KIAA1671: variants seen among roughly 807,000 people sequenced by gnomAD.
KIAA1671 encodes the protein KIAA1671, also known as uncharacterized protein KIAA1671.
A neutral mutation model predicts 131.2 loss-of-function variants in KIAA1671; 52 were observed. That is an observed-to-expected ratio of 0.40 (90% CI 0.32 to 0.50). The LOEUF (loss-of-function observed/expected upper bound fraction) is 0.50. KIAA1671 is among the 20% of genes least tolerant of loss of function. The pLI is 0.73. For missense variants in KIAA1671, 2,360 were observed against 2,364.2 expected (o/e 1.00, Z 0.04); for synonymous variants, 1,003 against 961.6 (o/e 1.04, Z -0.80).
chr22:24,987,450 T>C (rs1306366846), intron 1 of KIAA1671, among the ~76,000 whole-genome samples: 4 of 151,988 alleles, frequency 2.6e-5, no homozygotes. Context: ...GGATTACAGG[T>C]GTGAGCCACT....
At position 25,029,528 on chromosome 22, in the gene KIAA1671, A is replaced by G. The variant is rs78102577; in HGVS notation, c.1529A>G (p.Asp510Gly). 44 of 1,539,362 alleles carry G rather than the reference A, an allele frequency of 2.9e-5. No homozygotes were observed. The African/African-American group carries it at 5.8e-4, about 20-fold the overall frequency. The change falls in exon 3 of 13, where the codon GAT (aspartate) becomes GGT (glycine). Residue 510 changes from aspartate (D) to glycine (G), a missense_variant. Around this residue, in one of 3 missense-constraint regions of KIAA1671, gnomAD observed 1,185 missense variants for 1,126.2 expected, o/e 1.05. Coordinates refer to ENST00000358431, the MANE Select transcript of KIAA1671 (RefSeq NM_001145206.2). ...RTFQARPLSA[D>G]LTKLFSSSAS... The stretch of plus-strand genomic sequence containing the variant: ...TTCCAGGCTCGGCCGCTGTCGGCGG[A>G]TTTGACCAAATTGTAAGTAGGCACA...
chr22:25,067,665 T>C (rs1429914535), intron 6 of KIAA1671, among the ~76,000 whole-genome samples: 2 of 152,130 alleles, frequency 1.3e-5, no homozygotes, highest in East Asian at 3.9e-4. Flanking sequence ...CCATCCCGCC[T>C]GTCTCTGGCA....
At chr22:24,962,557 C>G (rs150994532) in intron 1 of KIAA1671, among the ~76,000 whole-genome samples, 1 of 152,176 alleles carries the variant, frequency 6.6e-6, no homozygotes, top group Non-Finnish European at 1.5e-5. Flanking sequence ...CCACTCTGGG[C>G]CTCAGTTTTC....
At chr22:25,013,008 A>C (rs954040202) in intron 1 of KIAA1671, 5 of 152,250 alleles carry the variant, frequency 3.3e-5, no homozygotes, top group African/African-American at 1.2e-4. Context: ...GGTTCTAGGA[A>C]GGGGAACTGA....
At chr22:25,021,874 C>T (rs895125719) in intron 1 of KIAA1671, among the ~76,000 whole-genome samples, 1 of 152,068 alleles carries the variant, frequency 6.6e-6, no homozygotes, top group African/African-American at 2.4e-5. Flanking sequence ...GCAAGCTCCA[C>T]CTCCCGGGTT....
At chr22:25,087,736 A>G (rs936022497) in intron 6 of KIAA1671, among the ~76,000 whole-genome samples, 1 of 152,226 alleles carries the variant, frequency 6.6e-6, no homozygotes, top group South Asian at 2.1e-4. Context: ...GCTTGAGTCA[A>G]CGTGGTCCAT....
chr22:25,185,772 C>T (rs950298830), intron 11 of KIAA1671: 3 of 152,258 alleles, frequency 2.0e-5, no homozygotes, highest in Non-Finnish European at 2.9e-5. Flanking sequence ...ACTTGACCTC[C>T]TGAACCTCAG....
intron 1 of KIAA1671, among the ~76,000 whole-genome samples, chr22:24,968,433 C>T (rs938274434): frequency 5.3e-5 from 8 of 152,132 alleles, no homozygotes; most frequent in African/African-American, 1.2e-4. Flanking sequence ...TAGTAGAAGA[C>T]GCCACCTGGG....
chr22:25,024,355 G>C (rs1395446345), intron 1 of KIAA1671: 1 of 152,288 alleles, frequency 6.6e-6, no homozygotes, highest in Non-Finnish European at 1.5e-5. Context: ...GACAGTGTGA[G>C]GTTAATGTGG....
At chr22:25,182,051 C>T (rs868802014) in intron 10 of KIAA1671, among the ~76,000 whole-genome samples, 74 of 152,148 alleles carry the variant, frequency 4.9e-4, no homozygotes, top group African/African-American at 1.7e-3. Flanking sequence ...TGGTGGCGGG[C>T]GCCTGTAGTC....
chr22:25,039,671 C>T lies in KIAA1671; in HGVS notation c.2541C>T (p.Thr847=). The change falls in exon 5 of 13, where the codon ACC becomes ACT. Residue 847 remains threonine (T), a synonymous_variant. Transcript: ENST00000358431. ...AAGAGCACTGTGCTCCCGGGGCCACCTCCGTCAGGGCTATCAAGGCTGCCA... is the reference window on the plus strand; with the variant it reads ...AAGAGCACTGTGCTCCCGGGGCCACTTCCGTCAGGGCTATCAAGGCTGCCA... The part of the protein sequence containing the change: ...VSEEHCAPGA[T]SVRAIKAAIW... 6.5e-7 allele frequency: 1 copy of T among 1,529,872 alleles called. No individual in the cohort carries two copies. Among genetic ancestry groups the T allele is most frequent in the Non-Finnish European group, 8.8e-7 (1 of 1,132,960 alleles). 94.8% of individuals were successfully genotyped at this position (1,529,872 alleles called of 1,614,324 possible).
chr22:25,177,060 G>A (rs180763205), intron 8 of KIAA1671: 275 of 378,406 alleles, frequency 7.3e-4, no homozygotes, highest in African/African-American at 4.9e-3. Context: ...GGAGGGAAAA[G>A]GCATTTGTAT....
chr22:25,053,895 G>A (rs1229801575), intron 6 of KIAA1671: 1 of 152,082 alleles, frequency 6.6e-6, no homozygotes, highest in Non-Finnish European at 1.5e-5. Context: ...CAATTAAGAA[G>A]GTAGGTAAAT....
At chr22:24,964,590 T>G (rs1922195852) in intron 1 of KIAA1671, among the ~76,000 whole-genome samples, 2 of 152,088 alleles carry the variant, frequency 1.3e-5, no homozygotes, top group African/African-American at 2.4e-5. Flanking sequence ...TCCAGCTAAT[T>G]AAAAAATTTT....
chr22:25,171,019 C>CCTTTTTAAAAGAAGAATGGGTTCCTTT, intron 7 of KIAA1671, 81 bp downstream of exon 7: 1 of 1,081,654 alleles, frequency 9.2e-7, no homozygotes, highest in Non-Finnish European at 1.4e-6. Context: ...CTCCTGATTT[C>CCTTTTTAAAAGAAGAATGGGTTCCTTT]TATATTGCTA....
At position 25,029,118 on chromosome 22, in the gene KIAA1671, C is replaced by T; in HGVS notation, c.1119C>T (p.Gly373=). The change falls in exon 3 of 13, where the codon GGC becomes GGT. Residue 373 remains glycine (G), a synonymous_variant. Transcript: ENST00000358431. The stretch of plus-strand genomic sequence containing the variant: ...GCAGCCCCAGAGCCCTGGTGGGGGG[C>T]TCATCTGGGGTCACCCCCAGCAATG... ...EMGSPRALVG[G]SSGVTPSNDQ... The T allele has an allele frequency of 6.1e-6, 9 of 1,467,854 alleles. No individual in the cohort carries two copies. Among genetic ancestry groups the T allele is most frequent in the Non-Finnish European group, 8.1e-6 (9 of 1,108,716 alleles). 90.9% of individuals were successfully genotyped at this position (1,467,854 alleles called of 1,614,324 possible). A position where few individuals can be genotyped will look rare whatever the true frequency, so the allele number is the denominator to read the frequency against.
At chr22:24,955,073 G>A (rs990722102) in intron 1 of KIAA1671, among the ~76,000 whole-genome samples, 1 of 152,220 alleles carries the variant, frequency 6.6e-6, no homozygotes, top group African/African-American at 2.4e-5. Flanking sequence ...GAGCCACTGC[G>A]CCTGGCCGGG....
At chr22:25,088,105 T>G (rs1929828866) in intron 6 of KIAA1671, among the ~76,000 whole-genome samples, 1 of 144,322 alleles carries the variant, frequency 6.9e-6, no homozygotes, top group Non-Finnish European at 1.5e-5. Context: ...TTTTCTTTCT[T>G]TCTTTCTTTT....
At chr22:25,000,014 A>T (rs988820375) in intron 1 of KIAA1671, among the ~76,000 whole-genome samples, 2 of 151,896 alleles carry the variant, frequency 1.3e-5, no homozygotes, top group African/African-American at 4.8e-5. Flanking sequence ...CCTCCCAAGT[A>T]GCTGGGTCTA....
Sources: allele counts gnomAD v4.1 joint callset (sites outside exome capture counted in the v4.1 genomes callset), GRCh38; gene constraint gnomAD v4.1.1; regional missense constraint gnomAD v4.1.1; transcripts MANE v1.5; gene names NCBI Gene and HGNC (gene_info 2026-07-23, HGNC 2026-07-21).